The following BIRC6 variants were observed in gnomAD, a reference collection of about 807,000 sequenced individuals.
BIRC6 encodes dual E2 ubiquitin-conjugating enzyme/E3 ubiquitin-protein ligase BIRC6.
BIRC6 carries 98 observed loss-of-function variants against 503.3 expected under a neutral mutation model. The observed-to-expected ratio is 0.19, with a 90% CI of 0.17 to 0.23. The LOEUF is 0.23. BIRC6 is among the 10% of genes least tolerant of loss of function. The pLI is 1.00. For missense variants in BIRC6, 5,360 were observed against 5,806.0 expected, an observed-to-expected ratio of 0.92 and a Z score of 2.50; for synonymous variants, 2,240 against 2,078.7, an observed-to-expected ratio of 1.08 and a Z score of -2.11.
intron 65 of BIRC6, among the ~76,000 whole-genome samples, chr2:32,574,091 G>A (rs2060093273): frequency 6.6e-6 from 1 of 150,828 alleles, no homozygotes; most frequent in Non-Finnish European, 1.5e-5. Context: ...CTATTAAGTT[G>A]ACCCTTGAAT....
intron 37 of BIRC6, 121 bp from the exon 38 acceptor site, chr2:32,481,199 G>GTTTT: frequency 3.3e-5 from 23 of 690,124 alleles, no homozygotes; most frequent in Non-Finnish European, 4.3e-5. Context: ...CATACATAGA[G>GTTTT]TTTTTTTTTT....
chr2:32,545,199 C>G lies in BIRC6; in HGVS notation c.12593-444C>G, dbSNP rs541565928. On this transcript the variant is annotated intron_variant, in intron 62 of 73. Transcript: ENST00000421745. Reference sequence around the variant, plus strand: ...CATTGCTTTCTTTGCATTTAATACCCCTTCCTGGCTAGAACACAGTAGAAC... The same window carrying G: ...CATTGCTTTCTTTGCATTTAATACCGCTTCCTGGCTAGAACACAGTAGAAC... 2.0e-5 allele frequency among the ~76,000 whole-genome samples: 3 copies of G among 152,162 alleles called. No individual in the cohort carries two copies. The South Asian group carries it at 6.2e-4, about 32-fold the overall frequency.
At chr2:32,429,659 T>C (rs770326952) in intron 11 of BIRC6, among the ~76,000 whole-genome samples, 3 of 152,176 alleles carry the variant, frequency 2.0e-5, no homozygotes, top group Non-Finnish European at 4.4e-5. Flanking sequence ...ATCCTGAATC[T>C]CTCGATAGGT....
At chr2:32,522,842 C>G (rs981094904) in intron 57 of BIRC6, 3 of 152,182 alleles carry the variant, frequency 2.0e-5, no homozygotes, top group Admixed American at 6.5e-5. Context: ...CTGTATAGAT[C>G]TCTGGAGATC....
At chr2:32,443,382 A>G in intron 19 of BIRC6, 109 bp from the exon 20 acceptor site, 1 of 680,800 alleles carries the variant, frequency 1.5e-6, no homozygotes, top group South Asian at 2.1e-5. Flanking sequence ...TTTTTCTTTT[A>G]ATCGGTATAG....
intron 68 of BIRC6, among the ~76,000 whole-genome samples, chr2:32,595,810 T>A (rs547931729): frequency 6.6e-6 from 1 of 152,308 alleles, no homozygotes; most frequent in South Asian, 2.1e-4. Context: ...TATAAATCAT[T>A]TAGCTTTTGC....
intron 1 of BIRC6, among the ~76,000 whole-genome samples, chr2:32,361,182 A>G (rs2034020585): frequency 6.6e-6 from 1 of 152,002 alleles, no homozygotes; most frequent in Non-Finnish European, 1.5e-5. Flanking sequence ...TGATCTGCCC[A>G]CCTTGGCCTC....
At chr2:32,467,493 T>A in intron 26 of BIRC6, 32 bp from the exon 27 acceptor site, 1 of 1,557,520 alleles carries the variant, frequency 6.4e-7, no homozygotes, top group Non-Finnish European at 8.8e-7. Context: ...ATTGATATAT[T>A]TTTGGTCAAC....
At chr2:32,523,743 G>A (rs2055984894) in intron 57 of BIRC6, among the ~76,000 whole-genome samples, 1 of 152,190 alleles carries the variant, frequency 6.6e-6, no homozygotes, top group Non-Finnish European at 1.5e-5. Flanking sequence ...TCATAATTGT[G>A]CTAAATTAGG....
intron 28 of BIRC6, 59 bp from the exon 29 acceptor site, chr2:32,468,378 T>C (rs2048780946): frequency 7.5e-7 from 1 of 1,341,122 alleles, no homozygotes; most frequent in South Asian, 1.4e-5. Flanking sequence ...TTAGTATTTG[T>C]ACATGTACAT....
chr2:32,438,041 C>T lies in BIRC6; in HGVS notation c.3632-1467C>T, dbSNP rs184314741. Among the ~76,000 whole-genome samples, 454 of 152,258 alleles carry T rather than the reference C, an allele frequency of 3.0e-3. 3 individuals carry two copies. Among genetic ancestry groups the T allele is most frequent in the Middle Eastern group, 0.014 (4 of 294 alleles). On this transcript the variant is annotated intron_variant, in intron 15 of 73. Transcript: ENST00000421745. The stretch of plus-strand genomic sequence containing the variant: ...TCCTGGGCTCAAGGGATCCTCCTAC[C>T]TTGGCCTCCCAAAGTGCTAGGATTA...
rs1177486909 is a variant in BIRC6, at chr2:32,509,840, T to C, written c.10083T>C (p.Thr3361=). The stretch of plus-strand genomic sequence containing the variant: ...CACCTACTGCTAATCTGCTGCAGAC[T>C]TGTGCGGCCTTATTGATGTCACCTT... ...AAAPTANLLQ[T]CAALLMSPYC... Residue 3361 remains threonine, a synonymous_variant, in exon 52 of 74, where the codon ACT becomes ACC. Coordinates refer to ENST00000421745, the MANE Select transcript of BIRC6 (RefSeq NM_016252.4). The C allele has an allele frequency of 1.2e-6, 2 of 1,613,896 alleles. No homozygotes were observed. Among genetic ancestry groups the C allele is most frequent in the Admixed American group, 1.7e-5 (1 of 60,010 alleles).
chr2:32,579,273 CCTGT>C (rs1385759107), intron 66 of BIRC6, among the ~76,000 whole-genome samples: 3 of 151,820 alleles, frequency 2.0e-5, no homozygotes, highest in Non-Finnish European at 4.4e-5. Context: ...CTGAGAATAT[CCTGT>C]CTATCTTGAA....
At chr2:32,479,332 G>A (rs1319427496) in intron 36 of BIRC6, 130 bp from the exon 37 acceptor site, 1 of 864,862 alleles carries the variant, frequency 1.2e-6, no homozygotes, top group Non-Finnish European at 1.8e-6. Flanking sequence ...GAACTCATTT[G>A]CCTCAGATTC....
chr2:32,535,688 C>T (rs1469409113), intron 61 of BIRC6, among the ~76,000 whole-genome samples: 1 of 152,188 alleles, frequency 6.6e-6, no homozygotes, highest in Admixed American at 6.5e-5. Flanking sequence ...CCCACATTTT[C>T]TTAATCCAGT....
At position 32,618,128 on chromosome 2, in the gene BIRC6, ATG is replaced by A. The variant is rs1199066722; in HGVS notation, c.*226_*227del. 5.3e-6 allele frequency: 2 copies of A among 380,946 alleles called. No individual in the cohort carries two copies. Among genetic ancestry groups the A allele is most frequent in the Non-Finnish European group, 9.4e-6 (2 of 213,424 alleles). 23.6% of individuals were successfully genotyped at this position (380,946 alleles called of 1,614,324 possible). Reference sequence around the variant, plus strand: ...TCAATTGTGAGAACCACTGATTGGTATGTTCAACAAATTTGTGTATACAAAGA... The same window carrying A: ...TCAATTGTGAGAACCACTGATTGGTATTCAACAAATTTGTGTATACAAAGA... On this transcript the variant is annotated 3_prime_UTR_variant, in exon 74 of 74. Transcript: ENST00000421745.
intron 71 of BIRC6, among the ~76,000 whole-genome samples, chr2:32,603,402 C>T (rs1262511395): frequency 1.3e-5 from 2 of 152,138 alleles, no homozygotes; most frequent in Non-Finnish European, 2.9e-5. Flanking sequence ...ATGAGAGCCT[C>T]TTACAGTTGT....
intron 1 of BIRC6, among the ~76,000 whole-genome samples, chr2:32,360,058 G>A (rs941534667): frequency 2.6e-5 from 4 of 152,162 alleles, no homozygotes; most frequent in Non-Finnish European, 4.4e-5. Context: ...TGCCAGTAGC[G>A]ATCATGGTCC....
chr2:32,589,637 G>T (rs959361905), intron 66 of BIRC6, among the ~76,000 whole-genome samples: 2 of 152,142 alleles, frequency 1.3e-5, no homozygotes, highest in Non-Finnish European at 2.9e-5. Context: ...TCCTGTTTTT[G>T]ATGGTGGTAA....
Sources: gnomAD v4.1 joint callset for allele counts (sites outside exome capture counted in the v4.1 genomes callset) on GRCh38, gnomAD v4.1.1 for gene constraint, MANE v1.5 for transcripts, NCBI Gene and HGNC (gene_info 2026-07-23, HGNC 2026-07-21) for gene names.